Variants in ARHGAP9 observed in about 807,000 individuals in gnomAD.
The protein encoded by ARHGAP9 is Rho GTPase activating protein 9, also known as rho GTPase-activating protein 9.
In ARHGAP9, 76 loss-of-function variants were observed where a neutral mutation model predicts 87.3. The ratio of observed to expected loss-of-function variants is 0.87; its 90% CI spans 0.72 to 1.05. ARHGAP9 has a LOEUF of 1.05. Ranked by LOEUF, ARHGAP9 falls within the 50% of genes least tolerant of loss-of-function variation. The pLI, the probability that ARHGAP9 is intolerant of heterozygous loss-of-function variation, is 0.00. For missense variants in ARHGAP9, 941 were observed against 960.5 expected (o/e 0.98, Z 0.27); for synonymous variants, 382 against 394.9 (o/e 0.97, Z 0.39).
chr12:57,486,889 G>GA (rs71084758), intron 1 of ARHGAP9, among the ~76,000 whole-genome samples: 93,163 of 138,948 alleles, frequency 0.67, 35,627 homozygotes, highest in Non-Finnish European at 0.86. Flanking sequence ...CCGTCTCAAA[G>GA]AAAAAAAAAA....
intron 5 of ARHGAP9, 77 bp from the exon 6 acceptor site, chr12:57,477,040 G>A (rs571484703): frequency 6.5e-7 from 1 of 1,527,176 alleles, no homozygotes; most frequent in East Asian, 2.3e-5. Flanking sequence ...AAGAGGGGTG[G>A]GATACGGGTG....
chr12:57,472,596 G>A lies in ARHGAP9; in HGVS notation c.2117C>T (p.Ser706Phe), dbSNP rs1234493285. Residue 706 changes from serine (S) to phenylalanine (F), a missense_variant, in exon 18 of 18, where the codon TCT (serine) becomes TTT (phenylalanine). Coordinates refer to ENST00000393791, the MANE Select transcript of ARHGAP9 (RefSeq NM_032496.4). ...GTAGAGAGCATGGGCTGCTGGGTCAGATGTCTCCTGCTCTGGCCGAAACAG... is the reference window on the plus strand; with the variant it reads ...GTAGAGAGCATGGGCTGCTGGGTCAAATGTCTCCTGCTCTGGCCGAAACAG... Reference protein sequence around the residue: ...PTLFRPEQETSDPAAHALYPG... With the variant: ...PTLFRPEQETFDPAAHALYPG... 6.2e-7 allele frequency: 1 copy of A among 1,614,122 alleles called. No individual in the cohort carries two copies. Among genetic ancestry groups the A allele is most frequent in the Non-Finnish European group, 8.5e-7 (1 of 1,180,046 alleles).
intron 3 of ARHGAP9, 45 bp from the exon 4 acceptor site, chr12:57,477,725 C>G (rs1249887947): frequency 6.2e-7 from 1 of 1,601,860 alleles, no homozygotes; most frequent in Non-Finnish European, 8.5e-7. Flanking sequence ...CTGCCTGTTG[C>G]CCTTCCCATG....
At chr12:57,486,830 G>A (rs1363938109) in intron 1 of ARHGAP9, among the ~76,000 whole-genome samples, 18 of 146,750 alleles carry the variant, frequency 1.2e-4, no homozygotes, top group Middle Eastern at 3.5e-3. Context: ...AGGTTGCAGT[G>A]AGCCGAGATC....
chr12:57,474,513 A>G (rs1213553640), intron 14 of ARHGAP9, 37 bp from the exon 15 acceptor site: 1 of 1,614,000 alleles, frequency 6.2e-7, no homozygotes, highest in South Asian at 1.1e-5. Flanking sequence ...GAGCTAAGAC[A>G]TACACTTCCA....
At position 57,476,120 on chromosome 12, in the gene ARHGAP9, G is replaced by T. The variant is rs1187423345; in HGVS notation, c.1163C>A (p.Ala388Glu). 2.6e-6 allele frequency: 4 copies of T among 1,541,494 alleles called. No individual in the cohort carries two copies. Among genetic ancestry groups the T allele is most frequent in the Non-Finnish European group, 2.6e-6 (3 of 1,143,896 alleles). The change falls in exon 9 of 18, where the codon GCG becomes GAG. Residue 388 changes from alanine to glutamate, a missense_variant. Transcript: ENST00000393791. ...CAGGTGGCGGCCGTGCGCCAGGGCC[G>T]CCCCGCGCAGGTCCACGCTACTTTC... ...RPESSVDLRG[A>E]ALAHGRHLSS...
In ARHGAP9 at chr12:57,479,777, AGTG is replaced by A; in HGVS notation, c.-69_-67del. 6.5e-7 allele frequency: 1 copy of A among 1,549,836 alleles called. No individual in the cohort carries two copies. The highest frequency in any genetic ancestry group is 8.7e-7 in the Non-Finnish European group (1 of 1,146,600). ...TCAGGAGCAGGAGTTGGTCCTGGGTAGTGGTGGGAGTCTTGAGGTGGACACAGG... is the reference window on the plus strand; with the variant it reads ...TCAGGAGCAGGAGTTGGTCCTGGGTAGTGGGAGTCTTGAGGTGGACACAGG... On this transcript the variant is annotated 5_prime_UTR_variant, in exon 1 of 18. Coordinates refer to ENST00000393791, the MANE Select transcript of ARHGAP9 (RefSeq NM_032496.4).
chr12:57,477,642 G>A lies in ARHGAP9; in HGVS notation c.573C>T (p.Tyr191=), dbSNP rs1212977848. The A allele has an allele frequency of 2.5e-6, 4 of 1,613,256 alleles. No homozygotes were observed. Among genetic ancestry groups the A allele is most frequent in the African/African-American group, 1.3e-5 (1 of 74,952 alleles). Reference sequence around the variant, plus strand: ...AGCGGCGAAGGTCCACCAGGTTACAGTACACAGGGGGCTCTGACATGAGGG... The same window carrying A: ...AGCGGCGAAGGTCCACCAGGTTACAATACACAGGGGGCTCTGACATGAGGG... ...PQPLMSEPPV[Y]CNLVDLRRCP... is the part of the protein sequence containing the mutation. The change falls in exon 4 of 18, where the codon TAC becomes TAT. Residue 191 remains tyrosine, a synonymous_variant. Coordinates refer to ENST00000393791, the MANE Select transcript of ARHGAP9 (RefSeq NM_032496.4).
At chr12:57,482,740 TTGAA>T (rs1161973212), upstream of ARHGAP9, among the ~76,000 whole-genome samples, 1 of 152,118 alleles carries the variant, frequency 6.6e-6, no homozygotes, top group Non-Finnish European at 1.5e-5. Flanking sequence ...TAAATATTTA[TTGAA>T]TGTTTACTAC....
chr12:57,487,840 C>G (rs1875544669), intron 1 of ARHGAP9: 1 of 469,838 alleles, frequency 2.1e-6, no homozygotes, highest in African/African-American at 2.4e-5. Context: ...CAGAGGGAGA[C>G]GCCCTCTCAC....
intron 14 of ARHGAP9, 57 bp from the exon 15 acceptor site, chr12:57,474,533 C>T (rs1370461128): frequency 6.2e-7 from 1 of 1,613,232 alleles, no homozygotes; most frequent in East Asian, 2.2e-5. Flanking sequence ...AGCCTGACGG[C>T]CTCTCTATTC....
In ARHGAP9 at chr12:57,474,943, A is replaced by G; in HGVS notation, c.1583T>C (p.Leu528Pro). ...DQVFGCQLES[L>P]CQREGDTVPS... ...CACCGTGTCTCCTTCCCGCTGGCAG[A>G]GTGATTCCAACTGGCAGCCGAACAC... Residue 528 changes from leucine (L) to proline (P), a missense_variant, in exon 13 of 18, where the codon CTC becomes CCC. By Grantham distance (98) the Leu-to-Pro change is moderately conservative. Transcript: ENST00000393791. 6.2e-7 allele frequency: 1 copy of G among 1,614,120 alleles called. No individual in the cohort carries two copies. The highest frequency in any genetic ancestry group is 8.5e-7 in the Non-Finnish European group (1 of 1,180,036).
chr12:57,485,018 T>C (rs1362278501), intron 1 of ARHGAP9, among the ~76,000 whole-genome samples: 1 of 151,226 alleles, frequency 6.6e-6, no homozygotes, highest in Non-Finnish European at 1.5e-5. Context: ...CGATCTCAGC[T>C]CACTGCAACC....
chr12:57,480,883 T>C, upstream of ARHGAP9: 1 of 1,514,340 alleles, frequency 6.6e-7, no homozygotes, highest in South Asian at 1.2e-5. Context: ...CCCTCCCCAC[T>C]GGTGATATCA....
intron 2 of ARHGAP9, 110 bp downstream of exon 2, chr12:57,478,981 T>C: frequency 7.3e-7 from 1 of 1,375,894 alleles, no homozygotes; most frequent in Non-Finnish European, 1.0e-6. Context: ...GAGAAGATGG[T>C]TAGCAGAAGC....
rs748784591 is a variant in ARHGAP9 at position 57,478,742 on chromosome 12, T to C, written c.332A>G (p.His111Arg). ...LLWTPGPKLF[H>R]GSLEELSQAL... Reference sequence around the variant, plus strand: ...CTGAGACAACTCCTCCAGGGAACCATGAAACAACTTCGGCCCTGGAAACAG... The same window carrying C: ...CTGAGACAACTCCTCCAGGGAACCACGAAACAACTTCGGCCCTGGAAACAG... Residue 111 changes from histidine to arginine, a missense_variant, in exon 3 of 18, where the codon CAT becomes CGT. Physicochemically the swap from His to Arg is conservative, Grantham distance 29. Coordinates refer to ENST00000393791, the MANE Select transcript of ARHGAP9 (RefSeq NM_032496.4). 3.1e-6 allele frequency: 5 copies of C among 1,608,394 alleles called. No homozygotes were observed. Among genetic ancestry groups the C allele is most frequent in the Non-Finnish European group, 4.3e-6 (5 of 1,176,044 alleles).
In ARHGAP9 at chr12:57,472,655, T is replaced by C. The variant is rs1872214970; in HGVS notation, c.2058A>G (p.Thr686=). 3.1e-6 allele frequency: 5 copies of C among 1,614,008 alleles called. No homozygotes were observed. The highest frequency in any genetic ancestry group is 3.4e-6 in the Non-Finnish European group (4 of 1,180,034). Reference sequence around the variant, plus strand: ...CAAACACAATTCCCAGGTTGTGGGGTGTCATGCGATTCTTATCTGAGTGTG... The same window carrying C: ...CAAACACAATTCCCAGGTTGTGGGGCGTCATGCGATTCTTATCTGAGTGTG... ...VIAHSDKNRM[T]PHNLGIVFGP... is the part of the protein sequence containing the mutation. Residue 686 remains threonine (T), a synonymous_variant, in exon 18 of 18, where the codon ACA becomes ACG. Transcript: ENST00000393791.
intron 1 of ARHGAP9, chr12:57,488,479 CCTT>C (rs1875640156): frequency 7.7e-7 from 1 of 1,304,006 alleles, no homozygotes; most frequent in Non-Finnish European, 1.1e-6. Flanking sequence ...CCCTTCCCAA[CCTT>C]CTCCTACACC....
chr12:57,488,181 A>G, intron 1 of ARHGAP9: 1 of 1,613,776 alleles, frequency 6.2e-7, no homozygotes, highest in East Asian at 2.2e-5. Flanking sequence ...GGTGCTCATC[A>G]GCACTGTAGG....
Sources: allele counts gnomAD v4.1 joint callset (sites outside exome capture counted in the v4.1 genomes callset), GRCh38; gene constraint gnomAD v4.1.1; transcripts MANE v1.5; gene names NCBI Gene and HGNC (gene_info 2026-07-23, HGNC 2026-07-21).